Variants in SHROOM4 observed in about 807,000 individuals in gnomAD.
The protein encoded by SHROOM4 is shroom family member 4.
A neutral mutation model predicts 80.3 loss-of-function variants in SHROOM4; 17 were observed. That is an observed-to-expected ratio of 0.21 (90% CI 0.14 to 0.32). SHROOM4 has a LOEUF of 0.32. Among genes scored for constraint, SHROOM4 ranks in the 10% least tolerant of loss-of-function variants. The probability of loss-of-function intolerance (pLI) is 1.00; values close to 1 mark genes in which losing one functional copy is unlikely to be tolerated. For synonymous variants in SHROOM4, 400 were observed against 437.5 expected, an observed-to-expected ratio of 0.91 and a Z score of 1.07; for missense variants, 993 against 1,140.3, an observed-to-expected ratio of 0.87 and a Z score of 1.86.
rs1569546315 is a variant in SHROOM4, at chrX:50,596,862, C to T, written c.4315G>A (p.Val1439Ile). 8.3e-7 allele frequency: 1 copy of T among 1,211,248 alleles called. No homozygotes were observed. The highest frequency in any genetic ancestry group is 1.7e-5 in the African/African-American group (1 of 57,842). Residue 1439 changes from valine to isoleucine, a missense_variant, in exon 9 of 9, where the codon GTC (valine) becomes ATC (isoleucine). By Grantham distance (29) the Val-to-Ile change is conservative (BLOSUM62 3). Coordinates refer to ENST00000376020, the MANE Select transcript of SHROOM4 (RefSeq NM_020717.5). ...TGGTCCTGAGGCAGGTAGCGGGAGA[C>T]CATGCCAAACACCAACTTCTCCCGG... ...DRREKLVFGM[V>I]SRYLPQDQLQ...
At position 50,726,838 on chromosome X, in the gene SHROOM4, T is replaced by C. The variant is rs782361103; in HGVS notation, c.118-30901A>G. On this transcript the variant is annotated intron_variant, in intron 1 of 8. Coordinates refer to ENST00000376020, the MANE Select transcript of SHROOM4 (RefSeq NM_020717.5). ...TGGAAGGGAAACGTGAGGTCAGAGATCCCACACAGAGTCCCCATTGGGGCA... is the reference window on the plus strand; with the variant it reads ...TGGAAGGGAAACGTGAGGTCAGAGACCCCACACAGAGTCCCCATTGGGGCA... 3.5e-5 allele frequency among the ~76,000 whole-genome samples: 4 copies of C among 112,684 alleles called. No homozygotes were observed. The East Asian group carries it at 1.1e-3, about 32-fold the overall frequency.
intron 1 of SHROOM4, among the ~76,000 whole-genome samples, chrX:50,779,033 T>C (rs1481790916): frequency 1.8e-5 from 2 of 112,198 alleles, no homozygotes; most frequent in Non-Finnish European, 3.8e-5. Context: ...GTATAAGTTT[T>C]AGGTATTAAA....
At chrX:50,739,532 G>C (rs1324069196) in intron 1 of SHROOM4, among the ~76,000 whole-genome samples, 1 of 111,449 alleles carries the variant, frequency 9.0e-6, no homozygotes, top group East Asian at 2.8e-4. Flanking sequence ...GATATGAACA[G>C]ACATTTCTGA....
rs1252065316 is a variant in SHROOM4, at chrX:50,635,031, G to C, written c.1042C>G (p.Pro348Ala). 8.3e-7 allele frequency: 1 copy of C among 1,210,790 alleles called. No homozygotes were observed. Among genetic ancestry groups the C allele is most frequent in the Non-Finnish European group, 1.1e-6 (1 of 895,432 alleles). ...TCAGAGCCCTGTTGGCTGGATTCAGGAGGCTGACTGAACTCACAGTTCTGA... is the reference window on the plus strand; with the variant it reads ...TCAGAGCCCTGTTGGCTGGATTCAGCAGGCTGACTGAACTCACAGTTCTGA... ...GHQNCEFSQP[P>A]ESSQQGSEHL... is the part of the protein sequence containing the mutation. The change falls in exon 4 of 9, where the codon CCT (proline) becomes GCT (alanine). Residue 348 changes from proline (P) to alanine (A), a missense_variant. Transcript: ENST00000376020.
intron 2 of SHROOM4, among the ~76,000 whole-genome samples, chrX:50,658,977 T>C (rs185381139): frequency 9.0e-6 from 1 of 111,546 alleles, no homozygotes; most frequent in Non-Finnish European, 1.9e-5. Flanking sequence ...ACATGCATAA[T>C]ACAGAATATA....
chrX:50,636,073 T>C (rs1366909580), intron 3 of SHROOM4, among the ~76,000 whole-genome samples: 1 of 111,245 alleles, frequency 9.0e-6, no homozygotes, highest in African/African-American at 3.3e-5. Flanking sequence ...GCTGATTCAG[T>C]TTTAGCCGGA....
At chrX:50,666,304 C>T (rs782179408) in intron 2 of SHROOM4, among the ~76,000 whole-genome samples, 1 of 111,738 alleles carries the variant, frequency 8.9e-6, no homozygotes, top group East Asian at 2.8e-4. Context: ...TGGGACAAAC[C>T]AATGGTCATT....
chrX:50,686,494 G>C (rs1557262273), intron 2 of SHROOM4, among the ~76,000 whole-genome samples: 1 of 111,456 alleles, frequency 9.0e-6, no homozygotes, highest in Non-Finnish European at 1.9e-5. Flanking sequence ...TTACATGAAG[G>C]CAAGATTTTC....
intron 1 of SHROOM4, among the ~76,000 whole-genome samples, chrX:50,797,047 G>A (rs1936030264): frequency 1.1e-5 from 1 of 88,732 alleles, no homozygotes; most frequent in African/African-American, 4.1e-5. Flanking sequence ...GGGAAAGGAT[G>A]GGGGGAGGGA....
chrX:50,730,734 C>T (rs1327128162), intron 1 of SHROOM4, among the ~76,000 whole-genome samples: 1 of 109,173 alleles, frequency 9.2e-6, no homozygotes, highest in Non-Finnish European at 1.9e-5. Flanking sequence ...GAGATCGCAC[C>T]ACTGCACTCC....
chrX:50,582,726 A>T (rs781908918), downstream of SHROOM4, among the ~76,000 whole-genome samples: 69 of 112,017 alleles, frequency 6.2e-4, 1 homozygote, highest in Middle Eastern at 0.014. Context: ...CATAAAGGTT[A>T]TTTTGGTTAC....
chrX:50,660,022 G>T (rs2147365388), intron 2 of SHROOM4, among the ~76,000 whole-genome samples: 1 of 111,992 alleles, frequency 8.9e-6, no homozygotes, highest in Admixed American at 9.5e-5. Flanking sequence ...AGTTGCTTTT[G>T]CTAAGACAAA....
intron 2 of SHROOM4, among the ~76,000 whole-genome samples, chrX:50,638,795 G>A (rs1297406955): frequency 8.9e-6 from 1 of 112,825 alleles, no homozygotes; most frequent in Non-Finnish European, 1.9e-5. Flanking sequence ...TTTACTGTGT[G>A]TCCTCTACGT....
chrX:50,658,494 C>T (rs73501667), intron 2 of SHROOM4, among the ~76,000 whole-genome samples: 9,791 of 111,426 alleles, frequency 0.088, 500 homozygotes, highest in African/African-American at 0.19. Context: ...TTTCTCCCTG[C>T]AAAATGCCAA....
intron 1 of SHROOM4, among the ~76,000 whole-genome samples, chrX:50,699,216 T>C (rs1285048854): frequency 1.8e-5 from 2 of 112,325 alleles, no homozygotes; most frequent in African/African-American, 6.5e-5. Context: ...GGGCTAGCAG[T>C]GAGTGGCCCA....
At chrX:50,597,331 T>A (rs537407881) in intron 8 of SHROOM4, among the ~76,000 whole-genome samples, 4 of 112,020 alleles carry the variant, frequency 3.6e-5, no homozygotes, top group Admixed American at 2.8e-4. Flanking sequence ...TTCTGTATGA[T>A]GTGTGTGTCT....
intron 3 of SHROOM4, among the ~76,000 whole-genome samples, chrX:50,636,673 T>G (rs1471208425): frequency 2.7e-5 from 3 of 111,372 alleles, no homozygotes; most frequent in African/African-American, 9.8e-5. Flanking sequence ...CCTGCTTTTG[T>G]ATTCTCCAGT....
At chrX:50,618,334 T>TATTTTTGAGA in intron 5 of SHROOM4, among the ~76,000 whole-genome samples, 2 of 6,222 alleles carry the variant, frequency 3.2e-4, no homozygotes, top group African/African-American at 1.7e-3. Flanking sequence ...CTTCCTTCCT[T>TATTTTTGAGA]CCTTCCTTCC....
At chrX:50,702,810 G>T (rs1933554686) in intron 1 of SHROOM4, among the ~76,000 whole-genome samples, 1 of 111,878 alleles carries the variant, frequency 8.9e-6, no homozygotes, top group African/African-American at 3.2e-5. Context: ...AATTAGATCA[G>T]ATTCTAAGAG....
Sources: gnomAD v4.1 joint callset for allele counts (sites outside exome capture counted in the v4.1 genomes callset) on GRCh38, gnomAD v4.1.1 for gene constraint, MANE v1.5 for transcripts, NCBI Gene and HGNC (gene_info 2026-07-23, HGNC 2026-07-21) for gene names.